LRP1: variants seen among roughly 807,000 people sequenced by gnomAD.
LRP1 encodes LDL receptor related protein 1.
In LRP1, 51 loss-of-function variants were observed where a neutral mutation model predicts 541.5. The observed-to-expected ratio is 0.09, with a 90% CI of 0.08 to 0.12. The LOEUF (loss-of-function observed/expected upper bound fraction) is 0.12, where lower values mean the gene tolerates loss of function less well. Among genes scored for constraint, LRP1 ranks in the 10% least tolerant of loss-of-function variants. The probability of loss-of-function intolerance (pLI) is 1.00; values close to 1 mark genes in which losing one functional copy is unlikely to be tolerated. For missense variants in LRP1, 3,878 were observed against 6,376.2 expected (o/e 0.61, Z 13.34); for synonymous variants, 2,219 against 2,470.8 (o/e 0.90, Z 3.02).
chr12:57,207,756 CTG>C (rs557024269), intron 76 of LRP1, among the ~76,000 whole-genome samples: 3 of 152,228 alleles, frequency 2.0e-5, no homozygotes, highest in Non-Finnish European at 4.4e-5. Flanking sequence ...CCACTTCCCA[CTG>C]TGTACGTCTT....
At position 57,128,888 on chromosome 12, in the gene LRP1, C is replaced by T. The variant is rs1592594238; in HGVS notation, c.-77C>T. ...AGGGGGAAAGGAGGAAAAGGGGGAC[C>T]CCCCAACTGGGGGGGGTGAAGGAGA... On this transcript the variant is annotated 5_prime_UTR_variant, in exon 1 of 89. Coordinates refer to ENST00000243077, the MANE Select transcript of LRP1 (RefSeq NM_002332.3). 2 of 1,330,232 alleles carry T rather than the reference C, an allele frequency of 1.5e-6. No individual in the cohort carries two copies. Among genetic ancestry groups the T allele is most frequent in the South Asian group, 1.4e-5 (1 of 73,444 alleles). The allele number at this position is 1,330,232 out of a possible 1,614,324, so 82.4% of individuals were successfully genotyped here. A position where few individuals can be genotyped will look rare whatever the true frequency, so the allele number is the denominator to read the frequency against.
chr12:57,166,662 G>A lies in LRP1; in HGVS notation c.2798-268G>A, dbSNP rs76144004. ...CCTTCCCAGCCTGGGAAACTGAGAG[G>A]GCTGAGCTTGCAGGGGACAGAGCAT... On this transcript the variant is annotated intron_variant, in intron 17 of 88. Transcript: ENST00000243077. Among the ~76,000 whole-genome samples, 316 of 152,292 alleles carry A rather than the reference G, an allele frequency of 2.1e-3. 6 individuals are homozygous for A. The East Asian group carries it at 0.053, about 26-fold the overall frequency.
At chr12:57,132,129 G>A (rs2035050280) in intron 1 of LRP1, 2 of 152,354 alleles carry the variant, frequency 1.3e-5, no homozygotes, top group South Asian at 2.1e-4. Context: ...GGGTATGAGC[G>A]ATAGAGAACC....
chr12:57,142,889 C>A (rs1000603954), intron 3 of LRP1, among the ~76,000 whole-genome samples: 1 of 152,104 alleles, frequency 6.6e-6, no homozygotes, highest in Non-Finnish European at 1.5e-5. Context: ...TGCCTCTAAA[C>A]GTCTTAGCAT....
chr12:57,140,586 C>T (rs1219715488), intron 2 of LRP1, among the ~76,000 whole-genome samples: 1 of 152,110 alleles, frequency 6.6e-6, no homozygotes, highest in East Asian at 1.9e-4. Flanking sequence ...TGTGACTGGG[C>T]TACGTATTGG....
chr12:57,198,129 C>G (rs756163788), intron 58 of LRP1, 27 bp from the exon 59 acceptor site: 4 of 1,583,192 alleles, frequency 2.5e-6, no homozygotes, highest in Non-Finnish European at 3.5e-6. Context: ...TCACCCAGAG[C>G]TCTCCCTCCC....
chr12:57,176,264 CT>C (rs1190753610), intron 24 of LRP1, among the ~76,000 whole-genome samples, 158 bp downstream of exon 24: 15 of 152,272 alleles, frequency 9.9e-5, no homozygotes, highest in African/African-American at 3.4e-4. Flanking sequence ...GTCTCCATGC[CT>C]GACGCCCCGT....
chr12:57,191,943 A>C (rs1033420480), intron 44 of LRP1, among the ~76,000 whole-genome samples: 1,396 of 4,102 alleles, frequency 0.34, 66 homozygotes, highest in Non-Finnish European at 0.35. Context: ...CACACACACC[A>C]CATACACACA....
chr12:57,202,351 C>G, intron 67 of LRP1, 70 bp from the exon 68 acceptor site: 5 of 1,232,756 alleles, frequency 4.1e-6, no homozygotes, highest in Non-Finnish European at 6.0e-6. Context: ...GCCAGCCTGA[C>G]CATGCCTGCT....
intron 6 of LRP1, among the ~76,000 whole-genome samples, chr12:57,151,233 A>G (rs2035520045): frequency 6.6e-6 from 1 of 152,122 alleles, no homozygotes; most frequent in Admixed American, 6.6e-5. Context: ...CTGGAGTTGT[A>G]GTGAGTGCAG....
chr12:57,164,118 C>T (rs547268622), intron 15 of LRP1, among the ~76,000 whole-genome samples: 1 of 152,316 alleles, frequency 6.6e-6, no homozygotes, highest in Non-Finnish European at 1.5e-5. Context: ...TTGCAGTGAG[C>T]CGAGATTGTG....
rs993246424 is a variant in LRP1, at chr12:57,205,935, G to A, written c.11590+258G>A. The A allele has an allele frequency of 2.3e-5, 13 of 574,106 alleles. No homozygotes were observed. The highest frequency in any genetic ancestry group is 5.6e-5 in the African/African-American group (3 of 53,374). 35.6% of individuals were successfully genotyped at this position (574,106 alleles called of 1,614,324 possible). A position where few individuals can be genotyped will look rare whatever the true frequency, so the allele number is the denominator to read the frequency against. On this transcript the variant is annotated intron_variant, in intron 75 of 88. Coordinates refer to ENST00000243077, the MANE Select transcript of LRP1 (RefSeq NM_002332.3). The surrounding 1 kb of genome is among the most constrained non-coding windows in gnomAD (Gnocchi z 4.6). ...CCTCCTCACCCACCACTGCCAGGAC[G>A]AGAGTACACTCAGACACGCATTGCA...
At chr12:57,192,803 G>C (rs765248436) in intron 44 of LRP1, 42 bp from the exon 45 acceptor site, 2 of 1,613,448 alleles carry the variant, frequency 1.2e-6, no homozygotes. Flanking sequence ...ATGCACAGCA[G>C]AGAACACTCT....
At chr12:57,144,755 T>C in intron 4 of LRP1, 1 of 577,670 alleles carries the variant, frequency 1.7e-6, no homozygotes, top group South Asian at 2.1e-5. Flanking sequence ...CTTCCCTGCG[T>C]GGATGAGTGA....
chr12:57,159,886 C>A lies in LRP1; in HGVS notation c.1860C>A (p.Asp620Glu). The A allele has an allele frequency of 6.2e-7, 1 of 1,614,136 alleles. No homozygotes were observed. Among genetic ancestry groups the A allele is most frequent in the Non-Finnish European group, 8.5e-7 (1 of 1,180,024 alleles). ...TGGGAGACAATCTGTACTGGACGGA[C>A]GATGGGCCCAAAAAGACAATCAGCG... ...DWMGDNLYWT[D>E]DGPKKTISVA... The change falls in exon 12 of 89, where the codon GAC (aspartate) becomes GAA (glutamate). Residue 620 changes from aspartate (D) to glutamate (E), a missense_variant. Physicochemically the swap from Asp to Glu is conservative, Grantham distance 45. Coordinates refer to ENST00000243077, the MANE Select transcript of LRP1 (RefSeq NM_002332.3).
At chr12:57,168,870 G>GA (rs2035889760) in intron 19 of LRP1, among the ~76,000 whole-genome samples, 1 of 152,218 alleles carries the variant, frequency 6.6e-6, no homozygotes, top group Non-Finnish European at 1.5e-5. Flanking sequence ...AAGGGGAAAT[G>GA]AAATGTTTAA....
Position 57,212,148 on chromosome 12 carries a change from A to G in LRP1, c.13381A>G (p.Asn4461Asp), listed in dbSNP as rs778556244. The G allele has an allele frequency of 1.2e-6, 2 of 1,613,910 alleles. No homozygotes were observed. Among genetic ancestry groups the G allele is most frequent in the Non-Finnish European group, 1.7e-6 (2 of 1,180,014 alleles). Residue 4461 changes from asparagine (N) to aspartate (D), a missense_variant, in exon 88 of 89, where the codon AAC becomes GAC. Coordinates refer to ENST00000243077, the MANE Select transcript of LRP1 (RefSeq NM_002332.3). The surrounding 1 kb of genome is among the most constrained non-coding windows in gnomAD (Gnocchi z 5.0). ...GGGCTTCCAGCACCAACGGATGACC[A>G]ACGGGGCCATGAACGTGGAGATTGG... Reference protein sequence around the residue: ...AKGFQHQRMTNGAMNVEIGNP... With the variant: ...AKGFQHQRMTDGAMNVEIGNP...
In LRP1 at chr12:57,198,920, C is replaced by T. The variant is rs141080643; in HGVS notation, c.9676+250C>T. Among the ~76,000 whole-genome samples, 460 of 152,274 alleles carry T rather than the reference C, an allele frequency of 3.0e-3. 1 individual carries two copies. Among genetic ancestry groups the T allele is most frequent in the African/African-American group, 0.01 (436 of 41,552 alleles). On this transcript the variant is annotated intron_variant, in intron 60 of 88. Transcript: ENST00000243077. ...TATACACAGTTCTGGAGGACTGGCCCCAAGGAGGGTGGGGGTGGGAGGCCT... is the reference window on the plus strand; with the variant it reads ...TATACACAGTTCTGGAGGACTGGCCTCAAGGAGGGTGGGGGTGGGAGGCCT...
At chr12:57,137,255 A>C (rs1328315870) in intron 1 of LRP1, among the ~76,000 whole-genome samples, 51 of 151,794 alleles carry the variant, frequency 3.4e-4, no homozygotes, top group African/African-American at 1.1e-3. Context: ...AAAAAAAAAA[A>C]AACAACAGAG....
Sources: gnomAD v4.1 joint callset for allele counts (sites outside exome capture counted in the v4.1 genomes callset) on GRCh38, gnomAD v4.1.1 for gene constraint, Gnocchi (gnomAD v3.1) non-coding constraint, MANE v1.5 for transcripts, NCBI Gene and HGNC (gene_info 2026-07-23, HGNC 2026-07-21) for gene names.